SEMA4D: variants seen among roughly 807,000 people sequenced by gnomAD.
The protein encoded by SEMA4D is semaphorin 4D, also known as semaphorin-4D.
A neutral mutation model predicts 74.8 loss-of-function variants in SEMA4D; 22 were observed. That is an observed-to-expected ratio of 0.29 (90% CI 0.21 to 0.42). SEMA4D has a LOEUF of 0.42. SEMA4D is among the 10% of genes least tolerant of loss of function. The pLI is 1.00. For missense variants in SEMA4D, 937 were observed against 1,118.4 expected, an observed-to-expected ratio of 0.84 and a Z score of 2.31; for synonymous variants, 445 against 463.7, an observed-to-expected ratio of 0.96 and a Z score of 0.52.
intron 2 of SEMA4D, among the ~76,000 whole-genome samples, chr9:89,428,075 G>A (rs891025748): frequency 9.2e-5 from 14 of 152,164 alleles, no homozygotes; most frequent in African/African-American, 2.9e-4. Flanking sequence ...GACCTGAGAC[G>A]CTGGCTCCAA....
intron 18 of SEMA4D, among the ~76,000 whole-genome samples, chr9:89,362,816 G>A (rs549291766): frequency 1.1e-4 from 16 of 144,924 alleles, no homozygotes; most frequent in African/African-American, 4.0e-4. Context: ...AGACCCCACC[G>A]CAGGTGGTAG....
intron 2 of SEMA4D, among the ~76,000 whole-genome samples, chr9:89,454,989 C>A (rs891881711): frequency 6.6e-6 from 1 of 152,272 alleles, no homozygotes; most frequent in African/African-American, 2.4e-5. Context: ...GACGGGCCAG[C>A]CCATGGCCCA....
At chr9:89,478,905 G>C (rs1022920994) in intron 1 of SEMA4D, among the ~76,000 whole-genome samples, 1 of 152,102 alleles carries the variant, frequency 6.6e-6, no homozygotes, top group African/African-American at 2.4e-5. Flanking sequence ...CAATTCTGTG[G>C]GTGAGGAGCC....
chr9:89,363,625 C>T, intron 17 of SEMA4D: 1 of 1,591,500 alleles, frequency 6.3e-7, no homozygotes, highest in Non-Finnish European at 8.5e-7. Context: ...GCCAATAAAA[C>T]CCAAACCCAG....
chr9:89,410,416 A>G (rs1178899575), intron 2 of SEMA4D, among the ~76,000 whole-genome samples: 5 of 152,224 alleles, frequency 3.3e-5, no homozygotes, highest in Admixed American at 6.5e-5. Flanking sequence ...GACTGATTTG[A>G]ATTTCAGACC....
In SEMA4D at chr9:89,378,322, TAAA is replaced by T; in HGVS notation, c.*379_*381del. ...TAAAATGTCATTTCCAATCTGGAAT[TAAA>T]TAATCTTTTAGTGGCTGCTACGGGG... On this transcript the variant is annotated 3_prime_UTR_variant, in exon 16 of 16. Coordinates refer to ENST00000422704, the MANE Select transcript of SEMA4D (RefSeq NM_001371194.2). The T allele has an allele frequency of 5.6e-6, 1 of 179,762 alleles. No individual in the cohort carries two copies. The allele number at this position is 179,762 out of a possible 1,614,324, so 11.1% of individuals were successfully genotyped here. A position where few individuals can be genotyped will look rare whatever the true frequency, so the allele number is the denominator to read the frequency against.
chr9:89,365,771 T>G (rs1833547253), intron 16 of SEMA4D: 1 of 152,134 alleles, frequency 6.6e-6, no homozygotes, highest in Admixed American at 6.5e-5. Context: ...GGACCCACGC[T>G]CCCCTCCCTG....
At chr9:89,471,114 CCTTT>C (rs1860077648) in intron 1 of SEMA4D, among the ~76,000 whole-genome samples, 1 of 152,134 alleles carries the variant, frequency 6.6e-6, no homozygotes. Flanking sequence ...TTTTAAAATA[CCTTT>C]ATTTTTAGCC....
chr9:89,369,895 T>A lies in SEMA4D; in HGVS notation c.1883-5945A>T, dbSNP rs545843053. On this transcript the variant is annotated intron_variant, in intron 16 of 18. Coordinates refer to the SEMA4D transcript ENST00000339861. ...GTGTGTGTGTGTGTATGGTTGTGTATGTGTGGATGTGATTGGTGTGGTGTG... is the reference window on the plus strand; with the variant it reads ...GTGTGTGTGTGTGTATGGTTGTGTAAGTGTGGATGTGATTGGTGTGGTGTG... 1.9e-3 allele frequency among the ~76,000 whole-genome samples: 293 copies of A among 151,846 alleles called. 1 individual carries two copies. Among genetic ancestry groups the A allele is most frequent in the African/African-American group, 6.5e-3 (269 of 41,340 alleles).
chr9:89,419,271 C>T (rs546019907), intron 2 of SEMA4D, among the ~76,000 whole-genome samples: 58 of 152,292 alleles, frequency 3.8e-4, no homozygotes, highest in African/African-American at 1.3e-3. Flanking sequence ...ATGGCTCTTA[C>T]GGCCAATTTT....
rs371957929 is a variant in SEMA4D at position 89,387,576 on chromosome 9, G to A, written c.1140C>T (p.Tyr380=). 1 of 1,614,220 alleles carries A rather than the reference G, an allele frequency of 6.2e-7. No individual in the cohort carries two copies. Among genetic ancestry groups the A allele is most frequent in the Non-Finnish European group, 8.5e-7 (1 of 1,180,042 alleles). ...CIDSEARAAN[Y]TSSLNLPDKT... is the part of the protein sequence containing the mutation. ...TGTCTGGCAAATTCAAGGAGCTGGT[G>A]TAGTTGGCGGCCCGTGCCTCGCTGT... is the stretch of plus-strand genomic sequence containing the variant. The change falls in exon 12 of 16, where the codon TAC becomes TAT. Residue 380 remains tyrosine, a synonymous_variant. Transcript: ENST00000422704.
At chr9:89,433,660 A>T (rs1302513288) in intron 2 of SEMA4D, among the ~76,000 whole-genome samples, 1 of 152,188 alleles carries the variant, frequency 6.6e-6, no homozygotes, top group Non-Finnish European at 1.5e-5. Context: ...TGATAGAAGC[A>T]ATCAGGTTCT....
At chr9:89,438,109 T>C (rs1004251475) in intron 2 of SEMA4D, among the ~76,000 whole-genome samples, 2 of 149,810 alleles carry the variant, frequency 1.3e-5, no homozygotes, top group Non-Finnish European at 3.0e-5. Context: ...GCAGCCTCCC[T>C]GGGGGCTGAG....
chr9:89,490,505 T>C (rs9695896), intron 1 of SEMA4D, among the ~76,000 whole-genome samples: 63,902 of 152,036 alleles, frequency 0.42, 13,788 homozygotes, highest in East Asian at 0.7. Flanking sequence ...ACTGTCAGTG[T>C]GGCATTCAAT....
intron 2 of SEMA4D, among the ~76,000 whole-genome samples, chr9:89,445,794 T>C (rs945780917): frequency 5.9e-5 from 9 of 152,152 alleles, no homozygotes; most frequent in Admixed American, 5.9e-4. Context: ...CAACTCACTC[T>C]GGGGAGGGCC....
chr9:89,468,548 T>C (rs534474748), intron 1 of SEMA4D, among the ~76,000 whole-genome samples: 1 of 152,374 alleles, frequency 6.6e-6, no homozygotes, highest in South Asian at 2.1e-4. Context: ...CCACTCCTTT[T>C]GGCCTTATTT....
chr9:89,394,870 A>T (rs559752795), intron 6 of SEMA4D, among the ~76,000 whole-genome samples: 2 of 152,352 alleles, frequency 1.3e-5, no homozygotes, highest in African/African-American at 4.8e-5. Context: ...GGAATGATTG[A>T]ACGTTTTCTT....
intron 1 of SEMA4D, among the ~76,000 whole-genome samples, chr9:89,457,503 G>A (rs895135431): frequency 3.3e-5 from 5 of 152,254 alleles, no homozygotes; most frequent in East Asian, 1.9e-4. Flanking sequence ...TTGGGAGGCC[G>A]ACATGGGAGG....
At chr9:89,491,154 C>A (rs990300556) in intron 1 of SEMA4D, among the ~76,000 whole-genome samples, 1 of 152,192 alleles carries the variant, frequency 6.6e-6, no homozygotes, top group Non-Finnish European at 1.5e-5. Context: ...GAAAGCACCC[C>A]AAGTCTAAGG....
Sources: gnomAD v4.1 joint callset for allele counts (sites outside exome capture counted in the v4.1 genomes callset) on GRCh38, gnomAD v4.1.1 for gene constraint, MANE v1.5 for transcripts, NCBI Gene and HGNC (gene_info 2026-07-23, HGNC 2026-07-21) for gene names.